Variants in TMEM181 observed in about 807,000 individuals in gnomAD.
TMEM181 encodes transmembrane protein 181.
A neutral mutation model predicts 71.9 loss-of-function variants in TMEM181; 39 were observed. That is an observed-to-expected ratio of 0.54 (90% CI 0.42 to 0.71). The LOEUF (loss-of-function observed/expected upper bound fraction) is 0.71, where lower values mean the gene tolerates loss of function less well. Ranked by LOEUF, TMEM181 falls within the 30% of genes least tolerant of loss-of-function variation. TMEM181 has a pLI of 0.00. For missense variants in TMEM181, 595 were observed against 583.0 expected (o/e 1.02, Z -0.21); for synonymous variants, 245 against 228.8 (o/e 1.07, Z -0.64).
chr6:158,588,348 C>T (rs1300855889), intron 5 of TMEM181, among the ~76,000 whole-genome samples: 2 of 152,208 alleles, frequency 1.3e-5, no homozygotes, highest in Non-Finnish European at 2.9e-5. Context: ...ACACTCCCCT[C>T]CTCTCTGCTT....
chr6:158,562,326 G>A (rs956106519), intron 1 of TMEM181, among the ~76,000 whole-genome samples: 1 of 152,172 alleles, frequency 6.6e-6, no homozygotes, highest in Non-Finnish European at 1.5e-5. Context: ...GGTGTGGGGC[G>A]TCTCATTTGC....
intron 1 of TMEM181, among the ~76,000 whole-genome samples, chr6:158,567,341 C>T (rs1347323376): frequency 6.6e-6 from 1 of 152,238 alleles, no homozygotes; most frequent in Admixed American, 6.5e-5. Flanking sequence ...AGCATCTCTC[C>T]ACCAACTTGA....
At chr6:158,581,031 G>A in intron 3 of TMEM181, 36 bp downstream of exon 3, 1 of 1,587,504 alleles carries the variant, frequency 6.3e-7, no homozygotes. Flanking sequence ...GGGTGGTGGG[G>A]TGCATTATAA....
At chr6:158,580,754 GGAT>G (rs1783423744) in intron 2 of TMEM181, among the ~76,000 whole-genome samples, 183 bp from the exon 3 acceptor site, 1 of 152,020 alleles carries the variant, frequency 6.6e-6, no homozygotes, top group Non-Finnish European at 1.5e-5. Flanking sequence ...ACAGCAGAGT[GGAT>G]ATTCTGTGTC....
intron 8 of TMEM181, among the ~76,000 whole-genome samples, 155 bp from the exon 9 acceptor site, chr6:158,608,178 C>G (rs1419518517): frequency 3.3e-5 from 5 of 151,984 alleles, no homozygotes; most frequent in Admixed American, 6.6e-5. Context: ...AGGTGCTGAC[C>G]CCGCACAGGT....
intron 10 of TMEM181, chr6:158,611,742 C>T: frequency 4.3e-6 from 1 of 234,582 alleles, no homozygotes; most frequent in African/African-American, 2.3e-5. Context: ...AGGAAAGAAA[C>T]AGGAAAAGCG....
At chr6:158,547,317 C>T (rs1781558678) in intron 1 of TMEM181, among the ~76,000 whole-genome samples, 1 of 152,162 alleles carries the variant, frequency 6.6e-6, no homozygotes, top group African/African-American at 2.4e-5. Context: ...ACGCCTAAGC[C>T]CTGCTTCAGA....
intron 1 of TMEM181, among the ~76,000 whole-genome samples, chr6:158,551,152 G>T (rs562559173): frequency 2.0e-3 from 304 of 152,038 alleles, no homozygotes; most frequent in African/African-American, 7.1e-3. Flanking sequence ...AGTAGAGACG[G>T]GGTTTCACCA....
At chr6:158,598,061 T>C (rs1180384945) in intron 6 of TMEM181, among the ~76,000 whole-genome samples, 1 of 152,184 alleles carries the variant, frequency 6.6e-6, no homozygotes, top group East Asian at 1.9e-4. Flanking sequence ...ACTCACTAGG[T>C]CTCACTGGCA....
intron 1 of TMEM181, among the ~76,000 whole-genome samples, chr6:158,564,213 A>G (rs890810105): frequency 2.0e-5 from 3 of 152,204 alleles, no homozygotes; most frequent in Non-Finnish European, 2.9e-5. Flanking sequence ...TGAAAAGGAA[A>G]GATTTTAGTG....
chr6:158,544,347 C>T (rs923083459), intron 1 of TMEM181, among the ~76,000 whole-genome samples: 5 of 151,954 alleles, frequency 3.3e-5, no homozygotes, highest in East Asian at 3.9e-4. Flanking sequence ...GAAACCCCTC[C>T]GTCCCAGAAA....
intron 7 of TMEM181, among the ~76,000 whole-genome samples, chr6:158,607,004 C>T (rs1191319467): frequency 6.6e-6 from 1 of 152,240 alleles, no homozygotes; most frequent in Non-Finnish European, 1.5e-5. Flanking sequence ...CCTGTGAGGA[C>T]AGCTCGGAAC....
intron 1 of TMEM181, among the ~76,000 whole-genome samples, chr6:158,572,235 G>C (rs138676355): frequency 6.6e-6 from 1 of 152,228 alleles, no homozygotes; most frequent in Non-Finnish European, 1.5e-5. Flanking sequence ...CGTGTGCTGC[G>C]GGGATGTGGG....
chr6:158,628,878 C>T (rs1467130903), intron 14 of TMEM181, among the ~76,000 whole-genome samples: 3 of 152,228 alleles, frequency 2.0e-5, no homozygotes, highest in Non-Finnish European at 4.4e-5. Context: ...CCCCTACTGC[C>T]CTCCAGCAGA....
At chr6:158,592,294 G>C (rs1282224286) in intron 6 of TMEM181, among the ~76,000 whole-genome samples, 4 of 152,146 alleles carry the variant, frequency 2.6e-5, no homozygotes, top group Non-Finnish European at 5.9e-5. Context: ...GTTCATCCTT[G>C]CTTTAAACCA....
intron 1 of TMEM181, among the ~76,000 whole-genome samples, chr6:158,542,798 T>C (rs1781400304): frequency 6.7e-6 from 1 of 149,850 alleles, no homozygotes. Context: ...AGAGAAGGGG[T>C]TTCACCATGT....
At chr6:158,544,182 A>AGTGTGTGTGTGT (rs34605570) in intron 1 of TMEM181, among the ~76,000 whole-genome samples, 1,659 of 127,596 alleles carry the variant, frequency 0.013, 27 homozygotes, top group African/African-American at 0.038. Context: ...AATTGGAGAG[A>AGTGTGTGTGTGT]GTGTGTGTGT....
intron 5 of TMEM181, among the ~76,000 whole-genome samples, chr6:158,586,686 G>T (rs1783790698): frequency 1.3e-5 from 2 of 151,948 alleles, no homozygotes; most frequent in South Asian, 4.1e-4. Flanking sequence ...AGTGGCTCAT[G>T]CCTGTAATCC....
At chr6:158,587,730 G>A (rs897047658) in intron 5 of TMEM181, among the ~76,000 whole-genome samples, 6 of 151,616 alleles carry the variant, frequency 4.0e-5, no homozygotes, top group African/African-American at 1.5e-4. Flanking sequence ...GTACCATCAC[G>A]TGATTTTCAG....
Sources: allele counts gnomAD v4.1 joint callset (sites outside exome capture counted in the v4.1 genomes callset), GRCh38; gene constraint gnomAD v4.1.1; transcripts MANE v1.5; gene names NCBI Gene and HGNC (gene_info 2026-07-23, HGNC 2026-07-21).